Variants in MGMT observed in about 807,000 individuals in gnomAD.
MGMT encodes the protein O-6-methylguanine-DNA methyltransferase.
Under a neutral mutation model 15.9 loss-of-function variants are expected in MGMT, and 14 were observed. The observed-to-expected ratio is 0.88, with a 90% CI of 0.58 to 1.37. MGMT has a LOEUF of 1.37. Among genes scored for constraint, MGMT ranks in the 40% most tolerant of loss-of-function variants. The pLI, the probability that MGMT is intolerant of heterozygous loss-of-function variation, is 0.00. For missense variants in MGMT, 282 were observed against 268.1 expected, an observed-to-expected ratio of 1.05 and a Z score of -0.36; for synonymous variants, 130 against 118.2, an observed-to-expected ratio of 1.10 and a Z score of -0.65.
chr10:129,546,789 C>T (rs1471419902), intron 2 of MGMT, among the ~76,000 whole-genome samples: 7 of 152,130 alleles, frequency 4.6e-5, no homozygotes, highest in Admixed American at 1.3e-4. Flanking sequence ...TTCCTTGGTA[C>T]CTGGTCTGCT....
chr10:129,711,795 C>T (rs990801289), intron 3 of MGMT, among the ~76,000 whole-genome samples: 8 of 151,966 alleles, frequency 5.3e-5, no homozygotes, highest in Admixed American at 3.3e-4. Context: ...CAAGGGTCAG[C>T]TTTGTATTTA....
chr10:129,697,836 C>T (rs896231051), intron 2 of MGMT, among the ~76,000 whole-genome samples: 1 of 152,204 alleles, frequency 6.6e-6, no homozygotes, highest in African/African-American at 2.4e-5. Context: ...AGTCGGTCAT[C>T]TTGTGCCCGT....
chr10:129,538,060 G>A (rs1192006060), intron 2 of MGMT, among the ~76,000 whole-genome samples: 2 of 152,100 alleles, frequency 1.3e-5, no homozygotes, highest in East Asian at 3.9e-4. Context: ...TTTGTGTGTA[G>A]TTAATTTTAG....
intron 2 of MGMT, among the ~76,000 whole-genome samples, chr10:129,664,716 T>C (rs1847637814): frequency 6.6e-6 from 1 of 151,864 alleles, no homozygotes; most frequent in Non-Finnish European, 1.5e-5. Context: ...ATAAGCAGGA[T>C]GAGAAGGAAG....
chr10:129,622,264 T>G (rs1431445846), intron 2 of MGMT, among the ~76,000 whole-genome samples: 1 of 152,210 alleles, frequency 6.6e-6, no homozygotes, highest in Non-Finnish European at 1.5e-5. Flanking sequence ...GTGTGAGAGA[T>G]TTTCTCATCT....
At chr10:129,494,088 G>T (rs1845496134) in intron 1 of MGMT, among the ~76,000 whole-genome samples, 1 of 152,106 alleles carries the variant, frequency 6.6e-6, no homozygotes, top group Non-Finnish European at 1.5e-5. Context: ...CTGTCTTAAA[G>T]AATTAATTAA....
At chr10:129,571,047 G>A (rs899899454) in intron 2 of MGMT, among the ~76,000 whole-genome samples, 3 of 152,154 alleles carry the variant, frequency 2.0e-5, no homozygotes, top group Non-Finnish European at 2.9e-5. Flanking sequence ...ATACACTTAA[G>A]AGTAACAAGT....
chr10:129,495,038 C>G (rs1375585620), intron 1 of MGMT, among the ~76,000 whole-genome samples: 1 of 152,304 alleles, frequency 6.6e-6, no homozygotes, highest in South Asian at 2.1e-4. Flanking sequence ...TTTTGCAAAA[C>G]CCATTTAAAT....
chr10:129,757,098 A>AT (rs1219001116), intron 3 of MGMT, among the ~76,000 whole-genome samples: 3 of 152,198 alleles, frequency 2.0e-5, no homozygotes, highest in Non-Finnish European at 4.4e-5. Context: ...CAGGTGCCTG[A>AT]TTGCTAAATA....
intron 2 of MGMT, among the ~76,000 whole-genome samples, chr10:129,552,066 A>G (rs187127084): frequency 6.6e-6 from 1 of 152,240 alleles, no homozygotes; most frequent in Non-Finnish European, 1.5e-5. Context: ...CTCTCCTCTC[A>G]TGGTTATGGG....
chr10:129,646,754 A>ATATATAAATTTTTTTTTTTTTTTTT, intron 2 of MGMT, among the ~76,000 whole-genome samples: 1 of 86,678 alleles, frequency 1.2e-5, no homozygotes, highest in Admixed American at 1.2e-4. Flanking sequence ...ATATATATAT[A>ATATATAAATTTTTTTTTTTTTTTTT]TTTTCAGGGA....
intron 2 of MGMT, among the ~76,000 whole-genome samples, chr10:129,628,984 G>T (rs552701781): frequency 6.6e-6 from 1 of 152,156 alleles, no homozygotes; most frequent in East Asian, 1.9e-4. Context: ...CGCCACTCCC[G>T]GGGGAACCCA....
At chr10:129,565,445 A>G (rs1435162687) in intron 2 of MGMT, among the ~76,000 whole-genome samples, 1 of 152,196 alleles carries the variant, frequency 6.6e-6, no homozygotes, top group African/African-American at 2.4e-5. Flanking sequence ...GTGTTGTAAT[A>G]TATCTTGTTG....
chr10:129,632,171 T>C (rs1396629144), intron 2 of MGMT, among the ~76,000 whole-genome samples: 1 of 152,234 alleles, frequency 6.6e-6, no homozygotes, highest in East Asian at 1.9e-4. Context: ...GACATGACTT[T>C]TATTGGATAT....
intron 2 of MGMT, among the ~76,000 whole-genome samples, chr10:129,669,030 TGTAA>T (rs1251618787): frequency 2.0e-5 from 3 of 152,210 alleles, no homozygotes; most frequent in Admixed American, 6.5e-5. Flanking sequence ...TATAATCTAT[TGTAA>T]GTGTTATGCA....
intron 2 of MGMT, among the ~76,000 whole-genome samples, chr10:129,646,335 A>G (rs1031917024): frequency 5.9e-5 from 9 of 152,228 alleles, no homozygotes; most frequent in African/African-American, 2.2e-4. Context: ...AAGAGTAAGT[A>G]TGTAGAACCT....
chr10:129,553,061 C>T (rs1026049989), intron 2 of MGMT, among the ~76,000 whole-genome samples: 14 of 152,196 alleles, frequency 9.2e-5, no homozygotes, highest in African/African-American at 3.1e-4. Context: ...GATGTCTCCT[C>T]TTAACCATGC....
At chr10:129,538,363 T>C (rs1846008380) in intron 2 of MGMT, among the ~76,000 whole-genome samples, 4 of 152,222 alleles carry the variant, frequency 2.6e-5, no homozygotes, top group Admixed American at 6.5e-5. Context: ...ATTGCTGGGC[T>C]GGATGGCAAA....
At chr10:129,575,747 C>G (rs1244897168) in intron 2 of MGMT, among the ~76,000 whole-genome samples, 2 of 151,962 alleles carry the variant, frequency 1.3e-5, no homozygotes, top group African/African-American at 4.8e-5. Context: ...AATCCAGGAG[C>G]TGATTTTTTG....
Sources: allele counts gnomAD v4.1 joint callset (sites outside exome capture counted in the v4.1 genomes callset), GRCh38; gene constraint gnomAD v4.1.1; transcripts MANE v1.5; gene names NCBI Gene and HGNC (gene_info 2026-07-23, HGNC 2026-07-21).